CSMD1: variants seen among roughly 807,000 people sequenced by gnomAD.
CSMD1 encodes the protein CUB and Sushi multiple domains 1, also known as CUB and sushi domain-containing protein 1.
Under a neutral mutation model 417.5 loss-of-function variants are expected in CSMD1, and 213 were observed. That is an observed-to-expected ratio of 0.51 (90% CI 0.46 to 0.57). CSMD1 has a LOEUF of 0.57. Ranked by LOEUF, CSMD1 falls within the 20% of genes least tolerant of loss-of-function variation. CSMD1 has a pLI of 0.00. For missense variants in CSMD1, 6,923 were observed against 4,529.7 expected (o/e 1.53, Z -15.17); for synonymous variants, 2,862 against 1,736.8 (o/e 1.65, Z -16.11).
At chr8:4,729,617 C>A (rs1409145084) in intron 1 of CSMD1, among the ~76,000 whole-genome samples, 2 of 152,046 alleles carry the variant, frequency 1.3e-5, no homozygotes, top group African/African-American at 4.8e-5. Context: ...AATCTGTGAG[C>A]AGGTGAGAAA....
At chr8:4,952,578 A>G (rs1378674652) in intron 1 of CSMD1, among the ~76,000 whole-genome samples, 1 of 152,088 alleles carries the variant, frequency 6.6e-6, no homozygotes, top group Non-Finnish European at 1.5e-5. Flanking sequence ...AAAATTATCC[A>G]CACTATGATT....
At chr8:4,487,537 T>C (rs1307253570) in intron 2 of CSMD1, among the ~76,000 whole-genome samples, 2 of 152,220 alleles carry the variant, frequency 1.3e-5, no homozygotes, top group Non-Finnish European at 2.9e-5. Flanking sequence ...GGTGTACATG[T>C]GCCACATTTT....
intron 3 of CSMD1, among the ~76,000 whole-genome samples, chr8:4,076,662 T>C (rs921014738): frequency 6.6e-6 from 1 of 152,236 alleles, no homozygotes; most frequent in South Asian, 2.1e-4. Flanking sequence ...CAAGGCCTTA[T>C]GCATCGTGCT....
At chr8:3,907,420 T>A (rs1364812182) in intron 5 of CSMD1, among the ~76,000 whole-genome samples, 1 of 152,192 alleles carries the variant, frequency 6.6e-6, no homozygotes, top group Non-Finnish European at 1.5e-5. Flanking sequence ...TGTATTCCCC[T>A]TAGAATTTTT....
intron 4 of CSMD1, among the ~76,000 whole-genome samples, chr8:4,000,094 T>C (rs532579218): frequency 6.6e-6 from 1 of 152,392 alleles, no homozygotes; most frequent in South Asian, 2.1e-4. Context: ...ACCAAATGTC[T>C]GTCCTGCCCC....
chr8:4,385,869 G>C (rs948927942), intron 3 of CSMD1, among the ~76,000 whole-genome samples: 1 of 152,128 alleles, frequency 6.6e-6, no homozygotes. Context: ...AAAAATATAT[G>C]CTTAAAAATT....
intron 5 of CSMD1, among the ~76,000 whole-genome samples, chr8:3,865,099 C>T (rs1015026730): frequency 4.6e-5 from 7 of 152,194 alleles, no homozygotes; most frequent in South Asian, 2.1e-4. Context: ...CAATACTCCA[C>T]ACACTATTCT....
intron 5 of CSMD1, among the ~76,000 whole-genome samples, chr8:3,853,568 T>A (rs1460091140): frequency 6.6e-6 from 1 of 151,934 alleles, no homozygotes; most frequent in East Asian, 1.9e-4. Context: ...AAAGTGATTA[T>A]GAAAAAAATA....
chr8:3,586,140 G>A lies in CSMD1; in HGVS notation c.1218C>T (p.Cys406=), dbSNP rs776004266. 2 of 1,611,416 alleles carry A rather than the reference G, an allele frequency of 1.2e-6. No individual in the cohort carries two copies. Among genetic ancestry groups the A allele is most frequent in the South Asian group, 2.2e-5 (2 of 90,476 alleles). ...LAAWSDHRPI[C]RARTCGSNLR... The stretch of plus-strand genomic sequence containing the variant: ...TACCCACCGCAGGTGCCTTACCTCG[G>A]CAGATGGGCCTGTGGTCACTCCAAG... Residue 406 remains cysteine (C), a synonymous_variant, in exon 9 of 70, where the codon TGC becomes TGT. Coordinates refer to ENST00000635120, the MANE Select transcript of CSMD1 (RefSeq NM_033225.6).
intron 16 of CSMD1, among the ~76,000 whole-genome samples, chr8:3,396,940 C>T (rs1291839248): frequency 6.6e-6 from 1 of 152,000 alleles, no homozygotes; most frequent in Non-Finnish European, 1.5e-5. Flanking sequence ...ATTAGAACAA[C>T]CATGGGTATG....
At chr8:3,583,892 G>C (rs192598512) in intron 9 of CSMD1, among the ~76,000 whole-genome samples, 9 of 151,640 alleles carry the variant, frequency 5.9e-5, no homozygotes, top group South Asian at 2.1e-4. Context: ...GATGCAACTA[G>C]ATAGATAAGG....
chr8:4,064,675 C>G (rs940097220), intron 3 of CSMD1, among the ~76,000 whole-genome samples: 2 of 152,220 alleles, frequency 1.3e-5, no homozygotes, highest in Non-Finnish European at 2.9e-5. Context: ...ATTCTCCCCT[C>G]CAACACTGCT....
chr8:4,212,711 A>G (rs1352194524), intron 3 of CSMD1, among the ~76,000 whole-genome samples: 1 of 150,214 alleles, frequency 6.7e-6, no homozygotes, highest in East Asian at 2.0e-4. Context: ...ACATACATGA[A>G]TATGAAACAT....
intron 7 of CSMD1, among the ~76,000 whole-genome samples, chr8:3,682,934 T>C (rs1263045699): frequency 6.6e-6 from 1 of 151,968 alleles, no homozygotes; most frequent in African/African-American, 2.4e-5. Context: ...CAGCAAACTA[T>C]CTATCGCAAG....
chr8:4,694,126 A>T (rs1036637929), intron 1 of CSMD1, among the ~76,000 whole-genome samples: 1 of 152,102 alleles, frequency 6.6e-6, no homozygotes, highest in Non-Finnish European at 1.5e-5. Context: ...CTCCCTCACG[A>T]TTTGTCCACG....
chr8:3,966,040 G>C (rs1467512817), intron 5 of CSMD1, among the ~76,000 whole-genome samples: 2 of 152,206 alleles, frequency 1.3e-5, no homozygotes, highest in Admixed American at 1.3e-4. Context: ...AGACACTGGT[G>C]AGAGAATGAA....
At chr8:4,439,852 A>T (rs183919600) in intron 2 of CSMD1, among the ~76,000 whole-genome samples, 2 of 152,204 alleles carry the variant, frequency 1.3e-5, no homozygotes, top group African/African-American at 4.8e-5. Flanking sequence ...GGCAGCTTCG[A>T]AAGATAGGAT....
intron 23 of CSMD1, among the ~76,000 whole-genome samples, chr8:3,313,026 T>G (rs1440917592): frequency 6.6e-6 from 1 of 152,176 alleles, no homozygotes; most frequent in East Asian, 1.9e-4. Context: ...TAAGTTGATG[T>G]GTAATAGGAG....
intron 5 of CSMD1, among the ~76,000 whole-genome samples, chr8:3,843,887 G>C (rs1009793521): frequency 6.6e-6 from 1 of 152,190 alleles, no homozygotes; most frequent in Non-Finnish European, 1.5e-5. Context: ...GTACAATTTA[G>C]AGTAACGTAA....
Sources: allele counts gnomAD v4.1 joint callset (sites outside exome capture counted in the v4.1 genomes callset), GRCh38; gene constraint gnomAD v4.1.1; transcripts MANE v1.5; gene names NCBI Gene and HGNC (gene_info 2026-07-23, HGNC 2026-07-21).